Variants in C1orf232 observed in about 807,000 individuals in gnomAD.
The protein encoded by C1orf232 is uncharacterized protein C1orf232.
C1orf232 carries 10 observed loss-of-function variants against 12.1 expected under a neutral mutation model. The observed-to-expected ratio is 0.82, with a 90% CI of 0.51 to 1.40. The LOEUF is 1.40. Among genes scored for constraint, C1orf232 ranks in the 40% most tolerant of loss-of-function variants. The probability of loss-of-function intolerance (pLI) is 0.00; values close to 1 mark genes in which losing one functional copy is unlikely to be tolerated. For missense variants in C1orf232, 88 were observed against 98.4 expected (o/e 0.89, Z 0.45); for synonymous variants, 36 against 39.8 (o/e 0.90, Z 0.36).
rs1339054645 is a variant in C1orf232 at position 26,164,539 on chromosome 1, G to A, written c.267-84C>T. On this transcript the variant is annotated intron_variant, in intron 3 of 3. Coordinates refer to ENST00000634842, the MANE Select transcript of C1orf232 (RefSeq NM_001364669.2). This position sits in a 1 kb window ranked among gnomAD's most constrained non-coding sequence, Gnocchi z 4.2. ...CTGGGCTGACGGAGGAGTTTAGTGG[G>A]GCCGGGGGAACCTGGGCGGAGTCAG... 1.4e-5 allele frequency: 5 copies of A among 361,116 alleles called. No homozygotes were observed. In the Admixed American group the frequency reaches 1.9e-4, roughly 14 times the overall value. The allele number at this position is 361,116 out of a possible 1,614,324, so 22.4% of individuals were successfully genotyped here. A position where few individuals can be genotyped will look rare whatever the true frequency, so the allele number is the denominator to read the frequency against.
chr1:26,164,177 G>A lies in C1orf232; in HGVS notation c.545C>T (p.Ala182Val). 5.0e-6 allele frequency: 2 copies of A among 398,432 alleles called. No individual in the cohort carries two copies. Among genetic ancestry groups the A allele is most frequent in the Non-Finnish European group, 4.4e-6 (1 of 225,930 alleles). The allele number at this position is 398,432 out of a possible 1,614,324, so 24.7% of individuals were successfully genotyped here. ...GCCAGCCTGCTAGTCACCCTTGGGC[G>A]CAGCCTTCACCCTCATCTCGGCCAG... ...HKLAEMRVKA[A>V]PKGD is the part of the protein sequence containing the mutation. Residue 182 changes from alanine (A) to valine (V), a missense_variant, in exon 4 of 4, where the codon GCG becomes GTG. Physicochemically the swap from Ala to Val is moderately conservative, Grantham distance 64. Coordinates refer to ENST00000634842, the MANE Select transcript of C1orf232 (RefSeq NM_001364669.2). This position sits in a 1 kb window ranked among gnomAD's most constrained non-coding sequence, Gnocchi z 4.2.
chr1:26,166,167 A>C, intron 1 of C1orf232, 49 bp from the exon 2 acceptor site: 1 of 1,209,010 alleles, frequency 8.3e-7, no homozygotes, highest in Non-Finnish European at 1.0e-6. Context: ...CAGAGGAGTG[A>C]GATCTCCCTC....
intron 1 of C1orf232, among the ~76,000 whole-genome samples, chr1:26,167,247 G>T (rs1035194756): frequency 6.6e-6 from 1 of 152,204 alleles, no homozygotes; most frequent in Non-Finnish European, 1.5e-5. Flanking sequence ...AGTCTCACCT[G>T]TCACACAGGC....
chr1:26,165,696 A>G (rs2088417835), intron 3 of C1orf232, 130 bp downstream of exon 3: 8 of 1,228,440 alleles, frequency 6.5e-6, no homozygotes, highest in Admixed American at 4.2e-5. Context: ...TGAGAGAAAC[A>G]GAAACAGCCT....
In C1orf232 at chr1:26,168,425, C is replaced by T. The variant is rs1164545374; in HGVS notation, c.75G>A (p.Leu25=). ...CATGGATGGCACCCACCTCCTCTGC[C>T]AGGTCTTCTTCAGATTCCCCACTCA... The part of the protein sequence containing the change: ...QTLSGESEED[L]AEERENPALV... Residue 25 remains leucine, a synonymous_variant, in exon 1 of 4, where the codon CTG becomes CTA. Transcript: ENST00000634842. The T allele has an allele frequency of 4.1e-6, 5 of 1,231,874 alleles. No homozygotes were observed. Among genetic ancestry groups the T allele is most frequent in the Non-Finnish European group, 4.0e-6 (4 of 988,134 alleles). 76.3% of individuals were successfully genotyped at this position (1,231,874 alleles called of 1,614,324 possible). A position where few individuals can be genotyped will look rare whatever the true frequency, so the allele number is the denominator to read the frequency against.
chr1:26,164,190 T>C lies in C1orf232; in HGVS notation c.532A>G (p.Arg178Gly). 1 of 398,470 alleles carries C rather than the reference T, an allele frequency of 2.5e-6. No individual in the cohort carries two copies. 24.7% of individuals were successfully genotyped at this position (398,470 alleles called of 1,614,324 possible). ...TCACCCTTGGGCGCAGCCTTCACCC[T>C]CATCTCGGCCAGTTTGTGAGTGAGG... is the stretch of plus-strand genomic sequence containing the variant. ...GFLTHKLAEM[R>G]VKAAPKGD The change falls in exon 4 of 4, where the codon AGG (arginine) becomes GGG (glycine). Residue 178 changes from arginine (R) to glycine (G), a missense_variant. Physicochemically the swap from Arg to Gly is moderately radical, Grantham distance 125. Transcript: ENST00000634842. The surrounding 1 kb of genome is among the most constrained non-coding windows in gnomAD (Gnocchi z 4.2).
chr1:26,168,271 A>C (rs369524627), intron 1 of C1orf232, 145 bp downstream of exon 1: 28 of 492,174 alleles, frequency 5.7e-5, no homozygotes, highest in East Asian at 1.8e-4. Context: ...CTGATGCTGC[A>C]CCATGGTTTT....
chr1:26,168,567 C>T lies in C1orf232; in HGVS notation c.-68G>A, dbSNP rs2088450483. The T allele has an allele frequency of 9.0e-7, 1 of 1,108,838 alleles. No homozygotes were observed. Among genetic ancestry groups the T allele is most frequent in the African/African-American group, 1.6e-5 (1 of 61,948 alleles). The allele number at this position is 1,108,838 out of a possible 1,614,324, so 68.7% of individuals were successfully genotyped here. A position where few individuals can be genotyped will look rare whatever the true frequency, so the allele number is the denominator to read the frequency against. ...GGTGGCTCAGTGGATACCAGTGAGT[C>T]TGGCTCTAGGAACTTGGTGAGGCCA... On this transcript the variant is annotated 5_prime_UTR_variant, in exon 1 of 4. Transcript: ENST00000634842.
intron 3 of C1orf232, 99 bp downstream of exon 3, chr1:26,165,727 C>A: frequency 8.1e-7 from 1 of 1,231,472 alleles, no homozygotes; most frequent in Non-Finnish European, 1.0e-6. Flanking sequence ...CTCCCCAGCC[C>A]TCAGTGGTTA....
At chr1:26,166,323 T>C (rs528272287) in intron 1 of C1orf232, among the ~76,000 whole-genome samples, 1 of 150,294 alleles carries the variant, frequency 6.7e-6, no homozygotes, top group African/African-American at 2.4e-5. Context: ...ACACCCTTTT[T>C]TTCCTTTGTG....
At position 26,165,846 on chromosome 1, in the gene C1orf232, T is replaced by C. The variant is rs2088419916; in HGVS notation, c.246A>G (p.Pro82=). ...CATACTGGTCAGCGCAAGGCTCTGATGGCAGCAGCTTATCTTCATCTTCTT... is the reference window on the plus strand; with the variant it reads ...CATACTGGTCAGCGCAAGGCTCTGACGGCAGCAGCTTATCTTCATCTTCTT... The part of the protein sequence containing the change: ...FNKEDEDKLL[P]SEPCADHPLA... The change falls in exon 3 of 4, where the codon CCA becomes CCG. Residue 82 remains proline, a synonymous_variant. Transcript: ENST00000634842. 4.9e-6 allele frequency: 6 copies of C among 1,231,646 alleles called. No individual in the cohort carries two copies. Among genetic ancestry groups the C allele is most frequent in the African/African-American group, 1.6e-5 (1 of 64,394 alleles). 76.3% of individuals were successfully genotyped at this position (1,231,646 alleles called of 1,614,324 possible). A position where few individuals can be genotyped will look rare whatever the true frequency, so the allele number is the denominator to read the frequency against.
chr1:26,168,622 A>C lies in C1orf232; in HGVS notation c.-123T>G. The C allele has an allele frequency of 3.6e-6, 2 of 554,962 alleles. No homozygotes were observed. The highest frequency in any genetic ancestry group is 5.4e-6 in the Non-Finnish European group (2 of 370,196). The allele number at this position is 554,962 out of a possible 1,614,324, so 34.4% of individuals were successfully genotyped here. On this transcript the variant is annotated 5_prime_UTR_variant, in exon 1 of 4. The change abolishes an upstream ATG in the 5' untranslated region. Coordinates refer to ENST00000634842, the MANE Select transcript of C1orf232 (RefSeq NM_001364669.2). ...CCTGTCCGAGGGATCCAGTGACTTC[A>C]TTAAAGATGCACCAGCCTCCCCAGC...
chr1:26,166,191 C>T (rs1056531737), intron 1 of C1orf232, 73 bp from the exon 2 acceptor site: 2 of 1,116,632 alleles, frequency 1.8e-6, no homozygotes, highest in Non-Finnish European at 2.3e-6. Flanking sequence ...CACTGCTAGC[C>T]TAGTACACAC....
At chr1:26,167,484 C>T (rs2088438233) in intron 1 of C1orf232, among the ~76,000 whole-genome samples, 1 of 152,160 alleles carries the variant, frequency 6.6e-6, no homozygotes, top group African/African-American at 2.4e-5. Flanking sequence ...ACCACCATGC[C>T]CAGCTAATTT....
At chr1:26,166,607 A>T (rs2088429974) in intron 1 of C1orf232, among the ~76,000 whole-genome samples, 1 of 152,018 alleles carries the variant, frequency 6.6e-6, no homozygotes, top group South Asian at 2.1e-4. Flanking sequence ...GTGAGCCGCC[A>T]GTCCGAGCTG....
chr1:26,165,733 G>T, intron 3 of C1orf232, 93 bp downstream of exon 3: 1 of 1,231,518 alleles, frequency 8.1e-7, no homozygotes, highest in South Asian at 4.1e-5. Flanking sequence ...AGCCCTCAGT[G>T]GTTAGAAAGA....
rs1339054645 is a variant in C1orf232, at chr1:26,164,539, G to C, written c.267-84C>G. 1 of 361,000 alleles carries C rather than the reference G, an allele frequency of 2.8e-6. No individual in the cohort carries two copies. Among genetic ancestry groups the C allele is most frequent in the Non-Finnish European group, 4.9e-6 (1 of 202,128 alleles). 22.4% of individuals were successfully genotyped at this position (361,000 alleles called of 1,614,324 possible). A position where few individuals can be genotyped will look rare whatever the true frequency, so the allele number is the denominator to read the frequency against. On this transcript the variant is annotated intron_variant, in intron 3 of 3. Coordinates refer to ENST00000634842, the MANE Select transcript of C1orf232 (RefSeq NM_001364669.2). This position sits in a 1 kb window ranked among gnomAD's most constrained non-coding sequence, Gnocchi z 4.2. Reference sequence around the variant, plus strand: ...CTGGGCTGACGGAGGAGTTTAGTGGGGCCGGGGGAACCTGGGCGGAGTCAG... The same window carrying C: ...CTGGGCTGACGGAGGAGTTTAGTGGCGCCGGGGGAACCTGGGCGGAGTCAG...
At chr1:26,165,028 TG>T (rs2088411711) in intron 3 of C1orf232, among the ~76,000 whole-genome samples, 1 of 131,720 alleles carries the variant, frequency 7.6e-6, no homozygotes, top group Admixed American at 8.6e-5. Flanking sequence ...GGGAAGATGT[TG>T]GGGGGAAGGG....
chr1:26,166,296 A>C (rs528926578), intron 1 of C1orf232, among the ~76,000 whole-genome samples, 178 bp from the exon 2 acceptor site: 10 of 152,298 alleles, frequency 6.6e-5, no homozygotes, highest in Admixed American at 5.2e-4. Flanking sequence ...GTATACCTGC[A>C]GAGTAAATCC....
Sources: allele counts gnomAD v4.1 joint callset (sites outside exome capture counted in the v4.1 genomes callset), GRCh38; gene constraint gnomAD v4.1.1; non-coding constraint Gnocchi (gnomAD v3.1); transcripts MANE v1.5; gene names NCBI Gene and HGNC (gene_info 2026-07-23, HGNC 2026-07-21).